ENOSF1: variants seen among roughly 807,000 people sequenced by gnomAD.
ENOSF1 encodes mitochondrial enolase superfamily member 1.
Under a neutral mutation model 68.2 loss-of-function variants are expected in ENOSF1, and 73 were observed. The ratio of observed to expected loss-of-function variants is 1.07; its 90% CI spans 0.89 to 1.30. ENOSF1 has a LOEUF of 1.30. ENOSF1 is among the 50% of genes most tolerant of loss of function. ENOSF1 has a pLI of 0.00. For synonymous variants in ENOSF1, 223 were observed against 210.4 expected (o/e 1.06, Z -0.52); for missense variants, 589 against 554.5 (o/e 1.06, Z -0.62).
At chr18:695,526 CTTTTA>C (rs1325249443) in intron 3 of ENOSF1, among the ~76,000 whole-genome samples, 3 of 151,330 alleles carry the variant, frequency 2.0e-5, no homozygotes, top group Non-Finnish European at 2.9e-5. Context: ...GTTATCATTC[CTTTTA>C]TATTTATTAG....
At chr18:697,679 A>G (rs1453815143) in intron 2 of ENOSF1, among the ~76,000 whole-genome samples, 2 of 152,206 alleles carry the variant, frequency 1.3e-5, no homozygotes, top group African/African-American at 4.8e-5. Context: ...TGAACCCAGG[A>G]GGCAGAGGTT....
intron 9 of ENOSF1, chr18:687,777 GAGAGGAGGGCACTCAAGTGGA>G (rs955901091): frequency 2.0e-5 from 3 of 153,006 alleles, no homozygotes; most frequent in Non-Finnish European, 2.9e-5. Flanking sequence ...GGCCTGGAGG[GAGAGGAGGGCACTCAAGTGGA>G]AGAGGAACAG....
chr18:675,186 C>A, intron 15 of ENOSF1, 135 bp downstream of exon 15: 3 of 718,670 alleles, frequency 4.2e-6, no homozygotes, highest in Non-Finnish European at 7.3e-6. Context: ...TACAGACAAA[C>A]TGAAGAACCG....
intron 2 of ENOSF1, among the ~76,000 whole-genome samples, chr18:698,641 G>T (rs1453644804): frequency 1.5e-5 from 2 of 136,696 alleles, no homozygotes; most frequent in Non-Finnish European, 3.3e-5. Flanking sequence ...ATTTTTTAGA[G>T]ACAGGGTTTC....
At position 690,605 on chromosome 18, in the gene ENOSF1, G is replaced by C. The variant is rs1215316751; in HGVS notation, c.562C>G (p.Pro188Ala). Residue 188 changes from proline to alanine, a missense_variant, in exon 8 of 16, where the codon CCT becomes GCT. Coordinates refer to ENST00000647584, the MANE Select transcript of ENOSF1 (RefSeq NM_017512.7). ...CAGGCGCACGATGTCGTGTAAGCAG[G>C]GTATCCTTGTGCCAGCATTTGCTTC... ...REKQMLAQGY[P>A]AYTTSCAWLG... The C allele has an allele frequency of 1.2e-6, 2 of 1,613,390 alleles. No individual in the cohort carries two copies. Among genetic ancestry groups the C allele is most frequent in the Non-Finnish European group, 1.7e-6 (2 of 1,179,986 alleles).
Position 693,928 on chromosome 18 carries a change from G to A in ENOSF1, c.397-20C>T. ...GACAGGCTTGAAGTAAAAAAGAAAG[G>A]ATTTGTAAGACATATGTGTAAAGTC... On this transcript the variant is annotated intron_variant, in intron 4 of 15. Transcript: ENST00000647584. 6.2e-7 allele frequency: 1 copy of A among 1,613,634 alleles called. No individual in the cohort carries two copies. Among genetic ancestry groups the A allele is most frequent in the Non-Finnish European group, 8.5e-7 (1 of 1,179,838 alleles).
chr18:669,167 C>T, downstream of ENOSF1: 1 of 1,613,986 alleles, frequency 6.2e-7, no homozygotes, highest in Non-Finnish European at 8.5e-7. Context: ...CGCTTGGAAT[C>T]CAAGAGGTTG....
intron 15 of ENOSF1, 110 bp downstream of exon 15, chr18:675,211 T>C (rs1423609151): frequency 8.5e-6 from 7 of 824,204 alleles, no homozygotes; most frequent in South Asian, 4.4e-5. Flanking sequence ...TTAGTGGATA[T>C]TGCAAACAAA....
In ENOSF1 at chr18:675,302, C is replaced by T. The variant is rs1220917806; in HGVS notation, c.1230+19G>A. 2 of 1,597,932 alleles carry T rather than the reference C, an allele frequency of 1.3e-6. No homozygotes were observed. Among genetic ancestry groups the T allele is most frequent in the African/African-American group, 2.7e-5 (2 of 74,746 alleles). ...GCTGGCAGCATCTCTTCTACAGGGG[C>T]CCTCAGGCCACAGCTTACCTTGGGA... is the stretch of plus-strand genomic sequence containing the variant. On this transcript the variant is annotated intron_variant, in intron 15 of 15. Transcript: ENST00000647584.
Position 685,928 on chromosome 18 carries a change from T to C in ENOSF1, c.734A>G (p.Lys245Arg). Residue 245 changes from lysine to arginine, a missense_variant, in exon 10 of 16, where the codon AAG becomes AGG. Transcript: ENST00000647584. ...QIIRDMIGPE[K>R]TLMMDANQRW... The stretch of plus-strand genomic sequence containing the variant: ...GTGTGAGAGGATATTTACCAAAGTC[T>C]TTTCCGGTCCAATCATGTCTCGGAT... 1 of 1,613,420 alleles carries C rather than the reference T, an allele frequency of 6.2e-7. No individual in the cohort carries two copies. Among genetic ancestry groups the C allele is most frequent in the Non-Finnish European group, 8.5e-7 (1 of 1,179,386 alleles).
rs767471966 is a variant in ENOSF1, at chr18:685,929, T to C, written c.733A>G (p.Lys245Glu). 2.1e-5 allele frequency: 34 copies of C among 1,613,488 alleles called. No individual in the cohort carries two copies. The highest frequency in any genetic ancestry group is 8.8e-5 in the South Asian group (8 of 91,074). ...TGTGAGAGGATATTTACCAAAGTCT[T>C]TTCCGGTCCAATCATGTCTCGGATG... ...QIIRDMIGPE[K>E]TLMMDANQRW... Residue 245 changes from lysine to glutamate, a missense_variant, in exon 10 of 16, where the codon AAG becomes GAG. Coordinates refer to ENST00000647584, the MANE Select transcript of ENOSF1 (RefSeq NM_017512.7).
intron 14 of ENOSF1, 56 bp from the exon 15 acceptor site, chr18:675,458 G>T: frequency 6.9e-7 from 1 of 1,457,890 alleles, no homozygotes; most frequent in Non-Finnish European, 9.5e-7. Flanking sequence ...TTATTCACGT[G>T]GTGCTAACTT....
At chr18:684,140 CCCA>C (rs540375695) in intron 10 of ENOSF1, among the ~76,000 whole-genome samples, 112 of 151,864 alleles carry the variant, frequency 7.4e-4, no homozygotes, top group Admixed American at 1.1e-3. Context: ...ACTACAGGCG[CCCA>C]CCACCACACC....
In ENOSF1 at chr18:692,689, T is replaced by A. The variant is rs556857728; in HGVS notation, c.423+1193A>T. On this transcript the variant is annotated intron_variant, in intron 5 of 15. Transcript: ENST00000647584. ...GATCCAAAAATGGAGGGTCCACAGG[T>A]GGGACCTCAGGCACATTTCTGGTGG... The A allele has an allele frequency of 1.7e-5, 17 of 990,174 alleles. No homozygotes were observed. In the East Asian group the frequency reaches 1.7e-3, roughly 98 times the overall value. The allele number at this position is 990,174 out of a possible 1,614,324, so 61.3% of individuals were successfully genotyped here.
intron 8 of ENOSF1, among the ~76,000 whole-genome samples, chr18:689,675 T>C (rs1262341183): frequency 6.6e-6 from 1 of 152,158 alleles, no homozygotes; most frequent in African/African-American, 2.4e-5. Flanking sequence ...AATATATATT[T>C]TGTCTCTGCC....
At chr18:674,536 T>G (rs2075280673) in intron 15 of ENOSF1, 130 bp from the exon 16 acceptor site, 1 of 552,042 alleles carries the variant, frequency 1.8e-6, no homozygotes, top group Non-Finnish European at 3.1e-6. Flanking sequence ...TTTTTTTTTT[T>G]GACATGGAGT....
At chr18:664,759 G>A in the ENOSF1 span, among the ~76,000 whole-genome samples, 1 of 150,406 alleles carries the variant, frequency 6.6e-6, no homozygotes, top group South Asian at 2.2e-4. Context: ...GGCCTTTTCT[G>A]CATCTATTGA....
chr18:691,141 G>A (rs572399989), intron 6 of ENOSF1, 35 bp from the exon 7 acceptor site: 3 of 1,613,944 alleles, frequency 1.9e-6, no homozygotes, highest in South Asian at 2.2e-5. Context: ...CACTCTTTTA[G>A]GAAACAAAGC....
At chr18:690,965 G>T in intron 7 of ENOSF1, 103 bp downstream of exon 7, 1 of 1,364,888 alleles carries the variant, frequency 7.3e-7, no homozygotes, top group Non-Finnish European at 1.0e-6. Flanking sequence ...TAGCTGCTCA[G>T]CACAGGGCAT....
Sources: allele counts gnomAD v4.1 joint callset (sites outside exome capture counted in the v4.1 genomes callset), GRCh38; gene constraint gnomAD v4.1.1; transcripts MANE v1.5; gene names NCBI Gene and HGNC (gene_info 2026-07-23, HGNC 2026-07-21).